PAK1: variants seen among roughly 807,000 people sequenced by gnomAD.
PAK1 encodes serine/threonine-protein kinase PAK 1.
In PAK1, 29 loss-of-function variants were observed where a neutral mutation model predicts 67.4. That is an observed-to-expected ratio of 0.43 (90% CI 0.32 to 0.59). The LOEUF (loss-of-function observed/expected upper bound fraction) is 0.59. PAK1 is among the 20% of genes least tolerant of loss of function. PAK1 has a pLI of 0.07. For missense variants in PAK1, 337 were observed against 670.7 expected (o/e 0.50, Z 5.50); for synonymous variants, 223 against 237.4 (o/e 0.94, Z 0.56).
At chr11:77,346,274 G>A (rs1944408511) in intron 9 of PAK1, among the ~76,000 whole-genome samples, 2 of 152,140 alleles carry the variant, frequency 1.3e-5, no homozygotes, top group South Asian at 2.1e-4. Context: ...GCCTGGCCAG[G>A]AGTCCTTTTC....
chr11:77,503,849 C>G, the PAK1 span, among the ~76,000 whole-genome samples: 1 of 152,144 alleles, frequency 6.6e-6, no homozygotes, highest in Admixed American at 6.5e-5. Context: ...AAGACCTTGT[C>G]TCAAAAATAA....
intron 1 of PAK1, among the ~76,000 whole-genome samples, chr11:77,446,572 T>C (rs1265566918): frequency 6.7e-6 from 1 of 148,766 alleles, no homozygotes; most frequent in Non-Finnish European, 1.5e-5. Flanking sequence ...TAATAGATGA[T>C]GGAGCTAAGA....
intron 2 of PAK1, among the ~76,000 whole-genome samples, chr11:77,391,547 C>T (rs975901893): frequency 6.6e-6 from 1 of 152,078 alleles, no homozygotes; most frequent in Admixed American, 6.6e-5. Flanking sequence ...AAGAACAGGG[C>T]CCACAAATAT....
the PAK1 span, among the ~76,000 whole-genome samples, chr11:77,490,047 C>A: frequency 1.3e-5 from 2 of 151,070 alleles, no homozygotes; most frequent in South Asian, 2.1e-4. Flanking sequence ...AAGTGAGGAG[C>A]GTCTCTGCCC....
At chr11:77,333,957 C>T (rs1942199849) in intron 13 of PAK1, among the ~76,000 whole-genome samples, 1 of 151,554 alleles carries the variant, frequency 6.6e-6, no homozygotes, top group South Asian at 2.1e-4. Flanking sequence ...GTCAGGAGTT[C>T]GAGACCATCG....
At chr11:77,392,234 G>T in intron 2 of PAK1, 97 bp downstream of exon 2, 1 of 884,776 alleles carries the variant, frequency 1.1e-6, no homozygotes, top group Non-Finnish European at 1.7e-6. Context: ...AAACATTAAA[G>T]GAAAATTAAG....
At chr11:77,390,292 C>T (rs574599517) in intron 2 of PAK1, among the ~76,000 whole-genome samples, 3 of 152,282 alleles carry the variant, frequency 2.0e-5, no homozygotes, top group African/African-American at 7.2e-5. Context: ...CTCCGCCTCC[C>T]GGGTTCAAGT....
chr11:77,363,534 T>C (rs939738041), intron 5 of PAK1, among the ~76,000 whole-genome samples: 1 of 152,246 alleles, frequency 6.6e-6, no homozygotes, highest in African/African-American at 2.4e-5. Context: ...CTTAGCCTCA[T>C]AACCACTGCT....
At chr11:77,340,930 A>C (rs559031781) in intron 10 of PAK1, among the ~76,000 whole-genome samples, 167 bp from the exon 11 acceptor site, 23 of 152,330 alleles carry the variant, frequency 1.5e-4, no homozygotes, top group African/African-American at 5.5e-4. Flanking sequence ...GAACAGAATC[A>C]CTAACTTTGA....
In PAK1 at chr11:77,456,613, T is replaced by C. The variant is rs184476732; in HGVS notation, c.-22+16939A>G. Reference sequence around the variant, plus strand: ...AAATCATTTTAGCTTCTCTATCCTGTAATGATAATGATAGCCGACATTTGT... The same window carrying C: ...AAATCATTTTAGCTTCTCTATCCTGCAATGATAATGATAGCCGACATTTGT... On this transcript the variant is annotated intron_variant, in intron 1 of 14. Coordinates refer to ENST00000356341, the MANE Select transcript of PAK1 (RefSeq NM_002576.5). Among the ~76,000 whole-genome samples the C allele has an allele frequency of 5.1e-4, 78 of 152,336 alleles. 1 individual carries two copies. The highest frequency in any genetic ancestry group is 1.7e-3 in the African/African-American group (72 of 41,576).
the PAK1 span, among the ~76,000 whole-genome samples, chr11:77,513,053 G>A: frequency 6.6e-6 from 1 of 152,162 alleles, no homozygotes; most frequent in South Asian, 2.1e-4. Flanking sequence ...TGGCGCCACT[G>A]CACTCCAGCC....
chr11:77,463,619 T>C (rs1475612007), intron 1 of PAK1, among the ~76,000 whole-genome samples: 6 of 152,276 alleles, frequency 3.9e-5, no homozygotes, highest in African/African-American at 1.4e-4. Flanking sequence ...CAAGATACTA[T>C]GCTAAAAGTG....
At chr11:77,470,552 C>G (rs749179041) in intron 1 of PAK1, among the ~76,000 whole-genome samples, 7 of 152,022 alleles carry the variant, frequency 4.6e-5, no homozygotes, top group African/African-American at 9.7e-5. Flanking sequence ...CAGAAGGAAG[C>G]TAGGAAAGGA....
intron 1 of PAK1, among the ~76,000 whole-genome samples, chr11:77,439,667 G>C (rs1956273476): frequency 1.3e-5 from 2 of 152,110 alleles, no homozygotes; most frequent in South Asian, 4.1e-4. Context: ...CTCCTTCTAT[G>C]TCTCTACCTC....
chr11:77,525,988 G>C, the PAK1 span, among the ~76,000 whole-genome samples: 1 of 152,294 alleles, frequency 6.6e-6, no homozygotes, highest in South Asian at 2.1e-4. Context: ...TGGAGAGGAG[G>C]TTTTATTCCC....
intron 13 of PAK1, 146 bp downstream of exon 13, chr11:77,335,940 C>T: frequency 8.5e-6 from 4 of 473,192 alleles, no homozygotes; most frequent in East Asian, 2.9e-5. Flanking sequence ...TTTCTTTGGC[C>T]ATTTATACTT....
At chr11:77,521,808 C>T in the PAK1 span, among the ~76,000 whole-genome samples, 1 of 152,178 alleles carries the variant, frequency 6.6e-6, no homozygotes, top group Admixed American at 6.5e-5. Context: ...AGGATAATTG[C>T]TCAGAACTAG....
chr11:77,330,918 C>T (rs548096783), intron 14 of PAK1, among the ~76,000 whole-genome samples: 28 of 152,020 alleles, frequency 1.8e-4, no homozygotes, highest in Middle Eastern at 3.4e-3. Flanking sequence ...GAATCTACAA[C>T]GAACTCAAAC....
chr11:77,419,074 GTC>G (rs1171374034), intron 1 of PAK1, among the ~76,000 whole-genome samples: 1 of 152,184 alleles, frequency 6.6e-6, no homozygotes, highest in Non-Finnish European at 1.5e-5. Flanking sequence ...CTAATACACT[GTC>G]TCTCTCTTTC....
Sources: gnomAD v4.1 joint callset for allele counts (sites outside exome capture counted in the v4.1 genomes callset) on GRCh38, gnomAD v4.1.1 for gene constraint, MANE v1.5 for transcripts, NCBI Gene and HGNC (gene_info 2026-07-23, HGNC 2026-07-21) for gene names.